PEX14: variants seen among roughly 807,000 people sequenced by gnomAD.
PEX14 encodes the protein peroxisomal membrane protein PEX14.
Under a neutral mutation model 49.5 loss-of-function variants are expected in PEX14, and 15 were observed. The ratio of observed to expected loss-of-function variants is 0.30; its 90% confidence interval spans 0.20 to 0.47. The LOEUF is 0.47. PEX14 is among the 20% of genes least tolerant of loss of function. PEX14 has a pLI of 1.00. For synonymous variants in PEX14, 210 were observed against 212.7 expected (o/e 0.99, Z 0.11); for missense variants, 398 against 494.8 (o/e 0.80, Z 1.86).
At chr1:10,535,386 G>A (rs1638769343) in intron 2 of PEX14, among the ~76,000 whole-genome samples, 1 of 152,232 alleles carries the variant, frequency 6.6e-6, no homozygotes, top group East Asian at 1.9e-4. Context: ...ACCAGAGGCA[G>A]GTAGACAATC....
intron 2 of PEX14, among the ~76,000 whole-genome samples, chr1:10,526,861 C>A (rs1470248174): frequency 1.3e-5 from 2 of 152,070 alleles, no homozygotes; most frequent in East Asian, 3.9e-4. Context: ...GACTTGGTGG[C>A]ATCCCGTTAG....
At chr1:10,589,930 A>C (rs1640610044) in intron 3 of PEX14, among the ~76,000 whole-genome samples, 1 of 152,196 alleles carries the variant, frequency 6.6e-6, no homozygotes, top group Non-Finnish European at 1.5e-5. Flanking sequence ...TAACTTTGCC[A>C]ATACATCTGA....
At chr1:10,606,761 GA>G (rs1273856081) in intron 4 of PEX14, among the ~76,000 whole-genome samples, 14 of 152,190 alleles carry the variant, frequency 9.2e-5, no homozygotes, top group African/African-American at 3.4e-4. Flanking sequence ...AAGCTGTGCA[GA>G]GAGAAAACTT....
chr1:10,594,065 A>G (rs1437177740), intron 3 of PEX14, among the ~76,000 whole-genome samples: 2 of 152,232 alleles, frequency 1.3e-5, no homozygotes, highest in Non-Finnish European at 2.9e-5. Flanking sequence ...TGTTTAAAAA[A>G]TTCAATTTTA....
intron 4 of PEX14, among the ~76,000 whole-genome samples, chr1:10,614,835 G>A (rs1045733508): frequency 2.0e-5 from 3 of 152,310 alleles, no homozygotes; most frequent in Middle Eastern, 3.4e-3. Flanking sequence ...AGGTTGCTCT[G>A]TCTTCACTTT....
chr1:10,608,956 C>G (rs1358787934), intron 4 of PEX14, among the ~76,000 whole-genome samples: 1 of 152,158 alleles, frequency 6.6e-6, no homozygotes, highest in Non-Finnish European at 1.5e-5. Context: ...CACTAATCTC[C>G]TTTTCATCAC....
At chr1:10,477,646 G>C (rs181166876) in intron 1 of PEX14, among the ~76,000 whole-genome samples, 8 of 152,250 alleles carry the variant, frequency 5.3e-5, no homozygotes, top group South Asian at 2.1e-4. Context: ...TCAATCTCTG[G>C]TTTCCAGCTA....
chr1:10,599,150 G>C, intron 3 of PEX14, 88 bp from the exon 4 acceptor site: 1 of 1,369,354 alleles, frequency 7.3e-7, no homozygotes, highest in East Asian at 2.3e-5. Flanking sequence ...TTCTGTGGCT[G>C]TAAAGGTCTT....
intron 1 of PEX14, among the ~76,000 whole-genome samples, chr1:10,478,827 GCTCC>G: frequency 6.6e-6 from 1 of 151,508 alleles, no homozygotes; most frequent in Middle Eastern, 3.4e-3. Flanking sequence ...CTCACTGCAA[GCTCC>G]GCCTCTCGGG....
chr1:10,501,882 G>C (rs756755151), intron 2 of PEX14, among the ~76,000 whole-genome samples: 3 of 152,136 alleles, frequency 2.0e-5, no homozygotes, highest in Admixed American at 6.5e-5. Context: ...CTGCACTCCA[G>C]CTTGGGCAAC....
At position 10,494,588 on chromosome 1, in the gene PEX14, C is replaced by T. The variant is rs563869648; in HGVS notation, c.37-686C>T. 3.3e-5 allele frequency among the ~76,000 whole-genome samples: 5 copies of T among 152,324 alleles called. No homozygotes were observed. Among genetic ancestry groups the T allele is most frequent in the South Asian group, 4.1e-4 (2 of 4,822 alleles). On this transcript the variant is annotated intron_variant, in intron 1 of 8. Transcript: ENST00000356607. The surrounding 1 kb of genome is among the most constrained non-coding windows in gnomAD (Gnocchi z 4.3). ...GGTAGTGGCCCCAAGGAAGAGGAAA[C>T]GGGCTAGAGCCAGGGCCTCGGCCAC... is the stretch of plus-strand genomic sequence containing the variant.
intron 2 of PEX14, among the ~76,000 whole-genome samples, chr1:10,507,317 G>A (rs767102703): frequency 1.4e-4 from 22 of 152,240 alleles, no homozygotes; most frequent in Non-Finnish European, 2.1e-4. Context: ...GCGTGCGTGC[G>A]GGGCGCCCGC....
chr1:10,586,016 C>T (rs1428422384), intron 3 of PEX14, among the ~76,000 whole-genome samples: 7 of 152,142 alleles, frequency 4.6e-5, no homozygotes, highest in African/African-American at 1.2e-4. Context: ...CTTCAATATA[C>T]GTAAAGCAAA....
intron 3 of PEX14, among the ~76,000 whole-genome samples, chr1:10,580,970 G>A (rs1190334929): frequency 6.6e-6 from 1 of 152,092 alleles, no homozygotes; most frequent in Non-Finnish European, 1.5e-5. Flanking sequence ...TAAAACATAA[G>A]CCACCTTTTT....
At chr1:10,530,730 T>C (rs933843126) in intron 2 of PEX14, among the ~76,000 whole-genome samples, 1 of 152,258 alleles carries the variant, frequency 6.6e-6, no homozygotes, top group African/African-American at 2.4e-5. Context: ...AGCAGCTTTC[T>C]GGAAGCTTTC....
chr1:10,520,193 T>C (rs1363255541), intron 2 of PEX14, among the ~76,000 whole-genome samples: 1 of 138,520 alleles, frequency 7.2e-6, no homozygotes, highest in East Asian at 2.1e-4. Flanking sequence ...GGTCTCACTC[T>C]GTCACCCCAG....
chr1:10,575,670 GTTC>G (rs1640098734), intron 3 of PEX14, among the ~76,000 whole-genome samples: 1 of 151,986 alleles, frequency 6.6e-6, no homozygotes, highest in Non-Finnish European at 1.5e-5. Flanking sequence ...TTTTTCTAAC[GTTC>G]TTCTAGTTTC....
At chr1:10,541,853 G>C (rs2124492815) in intron 3 of PEX14, among the ~76,000 whole-genome samples, 1 of 152,332 alleles carries the variant, frequency 6.6e-6, no homozygotes, top group East Asian at 1.9e-4. Flanking sequence ...AGCGGGAGCT[G>C]ATAGCACTTG....
At chr1:10,548,526 T>A (rs12117392) in intron 3 of PEX14, among the ~76,000 whole-genome samples, 1 of 152,048 alleles carries the variant, frequency 6.6e-6, no homozygotes, top group East Asian at 1.9e-4. Flanking sequence ...TCCATTGTTA[T>A]ATTCAACACT....
Sources: allele counts gnomAD v4.1 joint callset (sites outside exome capture counted in the v4.1 genomes callset), GRCh38; gene constraint gnomAD v4.1.1; non-coding constraint Gnocchi (gnomAD v3.1); transcripts MANE v1.5; gene names NCBI Gene and HGNC (gene_info 2026-07-23, HGNC 2026-07-21).